PRIM2: variants seen among roughly 807,000 people sequenced by gnomAD.
PRIM2 encodes DNA primase large subunit.
A neutral mutation model predicts 67.3 loss-of-function variants in PRIM2; 39 were observed. The observed-to-expected ratio is 0.58, with a 90% CI of 0.45 to 0.76. PRIM2 has a LOEUF of 0.76. Among genes scored for constraint, PRIM2 ranks in the 30% least tolerant of loss-of-function variants. The pLI, the probability that PRIM2 is intolerant of heterozygous loss-of-function variation, is 0.00. For missense variants in PRIM2, 398 were observed against 598.7 expected (o/e 0.66, Z 3.50); for synonymous variants, 143 against 198.7 (o/e 0.72, Z 2.36).
the PRIM2 span, among the ~76,000 whole-genome samples, chr6:57,254,565 G>C: frequency 4.6e-4 from 70 of 152,210 alleles, no homozygotes; most frequent in Non-Finnish European, 8.4e-4. Flanking sequence ...AGGCTGGAAT[G>C]TAACAAAAGC....
At chr6:57,452,022 A>G (rs34563693) in intron 7 of PRIM2, among the ~76,000 whole-genome samples, 1 of 149,224 alleles carries the variant, frequency 6.7e-6, no homozygotes, top group African/African-American at 2.5e-5. Flanking sequence ...TATGAGTGAG[A>G]ACATGCGGTG....
the PRIM2 span, among the ~76,000 whole-genome samples, chr6:57,308,327 T>A: frequency 6.6e-6 from 1 of 152,102 alleles, no homozygotes; most frequent in Non-Finnish European, 1.5e-5. Context: ...TTCACCGTGT[T>A]GCTCAGGCTG....
intron 10 of PRIM2, among the ~76,000 whole-genome samples, chr6:57,540,232 GTCTT>G (rs1156888344): frequency 4.2e-4 from 64 of 152,146 alleles, no homozygotes; most frequent in African/African-American, 1.2e-3. Context: ...GTGTCTGTCT[GTCTT>G]TCTGTCACTT....
intron 7 of PRIM2, among the ~76,000 whole-genome samples, chr6:57,403,652 A>T (rs544843240): frequency 1.1e-3 from 160 of 152,164 alleles, no homozygotes; most frequent in South Asian, 2.9e-3. Context: ...ATTATGGAAA[A>T]TATTGGCAAG....
intron 7 of PRIM2, among the ~76,000 whole-genome samples, chr6:57,426,753 A>G (rs7764331): frequency 0.012 from 1,888 of 152,352 alleles, 42 homozygotes; most frequent in African/African-American, 0.043. Flanking sequence ...ATGTTTCTCA[A>G]CAGGTGATTA....
chr6:57,402,550 T>C (rs1770749175), intron 7 of PRIM2, among the ~76,000 whole-genome samples: 1 of 152,104 alleles, frequency 6.6e-6, no homozygotes, highest in Admixed American at 6.5e-5. Context: ...TTTAAATGAT[T>C]TGGGTAAATG....
intron 5 of PRIM2, among the ~76,000 whole-genome samples, chr6:57,331,885 A>G (rs1441970480): frequency 2.6e-5 from 4 of 151,654 alleles, no homozygotes; most frequent in Admixed American, 1.3e-4. Context: ...GTTATTCTCT[A>G]GACTCTATTT....
At chr6:57,231,722 A>G in the PRIM2 span, among the ~76,000 whole-genome samples, 2 of 152,212 alleles carry the variant, frequency 1.3e-5, no homozygotes, top group Non-Finnish European at 2.9e-5. Context: ...AATGGAATTA[A>G]CCCTTTTAGA....
intron 7 of PRIM2, among the ~76,000 whole-genome samples, chr6:57,436,356 TTTGTCAG>T (rs1216294478): frequency 1.3e-5 from 2 of 152,204 alleles, no homozygotes; most frequent in African/African-American, 4.8e-5. Flanking sequence ...CATAATGTGA[TTTGTCAG>T]TTGTCACACT....
chr6:57,554,396 G>T (rs1226488950), intron 10 of PRIM2, among the ~76,000 whole-genome samples: 3 of 146,952 alleles, frequency 2.0e-5, no homozygotes, highest in Admixed American at 6.9e-5. Flanking sequence ...ATAGGGGAGA[G>T]AATTCTGAAT....
chr6:57,296,081 T>C, the PRIM2 span, among the ~76,000 whole-genome samples: 1 of 151,982 alleles, frequency 6.6e-6, no homozygotes, highest in Non-Finnish European at 1.5e-5. Context: ...CTATAACAAA[T>C]GAACCTAACC....
the PRIM2 span, among the ~76,000 whole-genome samples, chr6:57,264,594 CTTTTTTTTTT>C: frequency 9.3e-6 from 1 of 107,030 alleles, no homozygotes; most frequent in Non-Finnish European, 1.8e-5. Context: ...AAGTCAAACG[CTTTTTTTTTT>C]TTTTTTTTTT....
intron 11 of PRIM2, among the ~76,000 whole-genome samples, chr6:57,602,442 T>C (rs1776487778): frequency 6.6e-6 from 1 of 152,286 alleles, no homozygotes; most frequent in Admixed American, 6.5e-5. Flanking sequence ...GCACCCTCAG[T>C]CATATAAAAT....
At chr6:57,426,295 T>G (rs1396727749) in intron 7 of PRIM2, among the ~76,000 whole-genome samples, 2 of 152,246 alleles carry the variant, frequency 1.3e-5, no homozygotes, top group Non-Finnish European at 2.9e-5. Flanking sequence ...TATTATAGAT[T>G]AGTTTTGCCT....
chr6:57,533,033 C>T (rs1195343458), intron 9 of PRIM2, among the ~76,000 whole-genome samples: 3 of 152,108 alleles, frequency 2.0e-5, no homozygotes, highest in African/African-American at 7.2e-5. Context: ...ACCAGGGCCC[C>T]ACCCCCATGG....
At chr6:57,542,968 T>C (rs1481913362) in intron 10 of PRIM2, among the ~76,000 whole-genome samples, 1 of 124,388 alleles carries the variant, frequency 8.0e-6, no homozygotes, top group African/African-American at 3.4e-5. Context: ...TGAGACGGAG[T>C]CTCGCTGTCG....
intron 12 of PRIM2, among the ~76,000 whole-genome samples, chr6:57,611,097 C>A (rs1201414391): frequency 6.6e-6 from 1 of 152,284 alleles, no homozygotes; most frequent in East Asian, 1.9e-4. Flanking sequence ...AAGAACCTAG[C>A]AAGATGCTAC....
chr6:57,323,879 G>C (rs1767745469), intron 3 of PRIM2, among the ~76,000 whole-genome samples: 2 of 152,080 alleles, frequency 1.3e-5, no homozygotes. Flanking sequence ...TTGAAACCAG[G>C]AGTTCATAAC....
At chr6:57,509,761 T>A (rs1305496082) in intron 8 of PRIM2, among the ~76,000 whole-genome samples, 1 of 150,606 alleles carries the variant, frequency 6.6e-6, no homozygotes, top group Non-Finnish European at 1.5e-5. Flanking sequence ...TTATGTAAAT[T>A]TGTAGATATA....
Sources: gnomAD v4.1 joint callset for allele counts (sites outside exome capture counted in the v4.1 genomes callset) on GRCh38, gnomAD v4.1.1 for gene constraint, MANE v1.5 for transcripts, NCBI Gene and HGNC (gene_info 2026-07-23, HGNC 2026-07-21) for gene names.